Variants in FYB1 observed in about 807,000 individuals in gnomAD.
The protein encoded by FYB1 is FYN binding protein 1.
Under a neutral mutation model 94.1 loss-of-function variants are expected in FYB1, and 41 were observed. The ratio of observed to expected loss-of-function variants is 0.44; its 90% CI spans 0.34 to 0.57. The LOEUF (loss-of-function observed/expected upper bound fraction) is 0.57. FYB1 is among the 20% of genes least tolerant of loss of function. FYB1 has a pLI of 0.02. For missense variants in FYB1, 1,050 were observed against 976.8 expected (o/e 1.07, Z -1.00); for synonymous variants, 367 against 353.2 (o/e 1.04, Z -0.44).
chr5:39,212,329 T>TA (rs1260720774), intron 1 of FYB1, among the ~76,000 whole-genome samples: 2 of 151,278 alleles, frequency 1.3e-5, no homozygotes, highest in African/African-American at 4.9e-5. Flanking sequence ...AAATAAAAAA[T>TA]AAAAAAAGGC....
rs1246738772 is a variant in FYB1 at position 39,108,235 on chromosome 5, A to G, written c.2463T>C (p.Ala821=). The change falls in exon 18 of 19, where the codon GCT becomes GCC. Residue 821 remains alanine (A), a synonymous_variant. Coordinates refer to ENST00000512982, the MANE Select transcript of FYB1 (RefSeq NM_001465.6). The part of the protein sequence containing the change: ...DNDGEIYDDI[A]DGCIYDND The stretch of plus-strand genomic sequence containing the variant: ...GTGGTACTACATAAGACTTACCATC[A>G]GCAATATCATCATAGATCTCTCCAT... 1.3e-6 allele frequency: 2 copies of G among 1,526,808 alleles called. No homozygotes were observed. The highest frequency in any genetic ancestry group is 2.0e-5 in the Admixed American group (1 of 50,302). 94.6% of individuals were successfully genotyped at this position (1,526,808 alleles called of 1,614,324 possible).
At chr5:39,257,175 T>G (rs1490691105) in intron 1 of FYB1, among the ~76,000 whole-genome samples, 1 of 152,254 alleles carries the variant, frequency 6.6e-6, no homozygotes, top group Non-Finnish European at 1.5e-5. Flanking sequence ...TAGAATATTC[T>G]GAACTCTGGT....
At chr5:39,223,247 CTT>C (rs2150558045), upstream of FYB1, among the ~76,000 whole-genome samples, 1 of 152,224 alleles carries the variant, frequency 6.6e-6, no homozygotes, top group Non-Finnish European at 1.5e-5. Context: ...TAATGTAAGA[CTT>C]TTAAGACACC....
chr5:39,185,929 GA>G (rs1746743293), intron 2 of FYB1, among the ~76,000 whole-genome samples: 1 of 152,068 alleles, frequency 6.6e-6, no homozygotes, highest in Non-Finnish European at 1.5e-5. Flanking sequence ...GAAATACTGA[GA>G]ACTACGAGTG....
At chr5:39,168,354 GCCTGAGACAAGTAAAGGTGTATTTTAA>G (rs1744930141) in intron 2 of FYB1, among the ~76,000 whole-genome samples, 5 of 152,122 alleles carry the variant, frequency 3.3e-5, no homozygotes, top group African/African-American at 1.2e-4. Context: ...GCACTTGTTA[GCCTGAGACAAGTAAAGGTGTATTTTAA>G]TGACAATTAA....
rs1332920550 is a variant in FYB1, at chr5:39,148,155, T to TA, written c.1292+5292_1292+5293insT. 6.9e-3 allele frequency among the ~76,000 whole-genome samples: 259 copies of TA among 37,490 alleles called. 4 individuals are homozygous for TA. Among genetic ancestry groups the TA allele is most frequent in the African/African-American group, 0.015 (116 of 7,658 alleles). 24.6% of individuals were successfully genotyped at this position (37,490 alleles called of 152,430 possible). ...ATTATATGTATATTATATGTATTTT[T>TA]TATATATATATATATATATATATAT... On this transcript the variant is annotated intron_variant, in intron 3 of 18. Transcript: ENST00000512982.
chr5:39,224,557 T>C (rs896347772), upstream of FYB1, among the ~76,000 whole-genome samples: 14 of 152,320 alleles, frequency 9.2e-5, 1 homozygote, highest in South Asian at 1.2e-3. Context: ...ATTAAAGGTG[T>C]GTATTCCTCT....
intron 18 of FYB1, 48 bp downstream of exon 18, chr5:39,108,183 G>A: frequency 1.4e-6 from 2 of 1,461,460 alleles, no homozygotes; most frequent in South Asian, 2.5e-5. Context: ...TATAAAAACA[G>A]TAAATTCACT....
At chr5:39,272,113 T>C (rs1752683927) in intron 1 of FYB1, among the ~76,000 whole-genome samples, 1 of 152,140 alleles carries the variant, frequency 6.6e-6, no homozygotes, top group African/African-American at 2.4e-5. Flanking sequence ...AAGTCTCAGC[T>C]CCCAGGCTTC....
rs559556970 is a variant in FYB1, at chr5:39,242,172, G to A, written c.-28+32231C>T. Among the ~76,000 whole-genome samples, 177 of 151,688 alleles carry A rather than the reference G, an allele frequency of 1.2e-3. 1 individual carries two copies. The highest frequency in any genetic ancestry group is 4.1e-3 in the African/African-American group (170 of 41,336). ...TTTATTATTATACTTTAAGTTCTAG[G>A]GTACATATGCACAATGTGCAGGTTT... On this transcript the variant is annotated intron_variant, in intron 1 of 1. Coordinates refer to the FYB1 transcript ENST00000510188.
intron 1 of FYB1, among the ~76,000 whole-genome samples, chr5:39,265,250 G>A (rs1192316658): frequency 1.3e-5 from 2 of 152,098 alleles, no homozygotes; most frequent in African/African-American, 2.4e-5. Flanking sequence ...GGGAGGCCGA[G>A]GCAGGTGGAT....
intron 16 of FYB1, chr5:39,110,816 A>T (rs1739003628): frequency 1.1e-5 from 4 of 371,848 alleles, no homozygotes; most frequent in Non-Finnish European, 1.5e-5. Flanking sequence ...CTAAAATTTT[A>T]TTATATTGAG....
At chr5:39,120,264 C>T (rs1739969449) in intron 14 of FYB1, among the ~76,000 whole-genome samples, 1 of 150,650 alleles carries the variant, frequency 6.6e-6, no homozygotes, top group South Asian at 2.1e-4. Flanking sequence ...GAAAGAGAGA[C>T]AGAGACAGAG....
At chr5:39,229,084 A>G (rs535782679) in intron 1 of FYB1, among the ~76,000 whole-genome samples, 2 of 152,136 alleles carry the variant, frequency 1.3e-5, no homozygotes, top group African/African-American at 4.8e-5. Context: ...GTCTGTCCTG[A>G]TTCAATGTCC....
At chr5:39,169,962 C>A in intron 2 of FYB1, 2 of 663,278 alleles carry the variant, frequency 3.0e-6, no homozygotes, top group Non-Finnish European at 2.8e-6. Context: ...TAAAGGGCAG[C>A]TCATCATCAG....
intron 1 of FYB1, among the ~76,000 whole-genome samples, chr5:39,230,844 TACACACACACACAC>T (rs10641788): frequency 7.0e-6 from 1 of 143,534 alleles, no homozygotes; most frequent in South Asian, 2.2e-4. Flanking sequence ...TGTCTCAGTA[TACACACACACACAC>T]ACACACACAC....
At chr5:39,176,214 G>A (rs977070355) in intron 2 of FYB1, among the ~76,000 whole-genome samples, 5 of 132,116 alleles carry the variant, frequency 3.8e-5, no homozygotes, top group East Asian at 2.2e-4. Flanking sequence ...GCAATGGCGC[G>A]ATCTTGGCTT....
At chr5:39,215,961 GAC>G (rs1749829381) in intron 1 of FYB1, among the ~76,000 whole-genome samples, 1 of 152,178 alleles carries the variant, frequency 6.6e-6, no homozygotes, top group Non-Finnish European at 1.5e-5. Flanking sequence ...GAGAAGAAGA[GAC>G]AGCAGAAGAG....
At chr5:39,148,473 T>C (rs1374745354) in intron 3 of FYB1, among the ~76,000 whole-genome samples, 1 of 139,718 alleles carries the variant, frequency 7.2e-6, no homozygotes, top group African/African-American at 2.6e-5. Flanking sequence ...ATACCTGCCT[T>C]ACTGGGAGTA....
Sources: gnomAD v4.1 joint callset for allele counts (sites outside exome capture counted in the v4.1 genomes callset) on GRCh38, gnomAD v4.1.1 for gene constraint, MANE v1.5 for transcripts, NCBI Gene and HGNC (gene_info 2026-07-23, HGNC 2026-07-21) for gene names.